CACNB2: variants seen among roughly 807,000 people sequenced by gnomAD.
The protein encoded by CACNB2 is calcium voltage-gated channel auxiliary subunit beta 2.
In CACNB2, 42 loss-of-function variants were observed where a neutral mutation model predicts 73.3. The observed-to-expected ratio is 0.57, with a 90% confidence interval of 0.45 to 0.74. CACNB2 has a LOEUF of 0.74. Among genes scored for constraint, CACNB2 ranks in the 30% least tolerant of loss-of-function variants. The pLI, the probability that CACNB2 is intolerant of heterozygous loss-of-function variation, is 0.00. For synonymous variants in CACNB2, 348 were observed against 310.3 expected (o/e 1.12, Z -1.28); for missense variants, 940 against 853.0 (o/e 1.10, Z -1.27).
chr10:18,242,735 A>G (rs2036703699), intron 2 of CACNB2, among the ~76,000 whole-genome samples: 2 of 152,024 alleles, frequency 1.3e-5, no homozygotes, highest in Non-Finnish European at 2.9e-5. Context: ...CTGTAATCCC[A>G]GCACTTTGGG....
intron 2 of CACNB2, among the ~76,000 whole-genome samples, chr10:18,193,240 C>A (rs1431140117): frequency 1.4e-5 from 2 of 145,888 alleles, no homozygotes; most frequent in African/African-American, 5.1e-5. Context: ...TATAATAATC[C>A]TGTGTGTAAC....
intron 3 of CACNB2, among the ~76,000 whole-genome samples, chr10:18,472,012 C>T (rs1474160028): frequency 6.6e-6 from 1 of 152,082 alleles, no homozygotes; most frequent in African/African-American, 2.4e-5. Context: ...ACTCCCGTAT[C>T]TCCCTTTTTC....
chr10:18,495,599 G>A (rs1030091250), intron 3 of CACNB2, among the ~76,000 whole-genome samples: 1 of 141,370 alleles, frequency 7.1e-6, no homozygotes, highest in Non-Finnish European at 1.5e-5. Context: ...GTGTATAAGA[G>A]ATGAGGTCTC....
At chr10:18,153,869 A>C (rs1000984478) in intron 2 of CACNB2, among the ~76,000 whole-genome samples, 27 of 144,852 alleles carry the variant, frequency 1.9e-4, no homozygotes, top group African/African-American at 6.5e-4. Context: ...GGCATGAGCA[A>C]CCATGCCCGG....
At chr10:18,237,486 G>A (rs1003566246) in intron 2 of CACNB2, among the ~76,000 whole-genome samples, 10 of 152,138 alleles carry the variant, frequency 6.6e-5, no homozygotes, top group Non-Finnish European at 2.9e-5. Context: ...CTAAGAGAAT[G>A]GTGTAGAACA....
rs545274462 is a variant in CACNB2, at chr10:18,442,307, G to A, written c.333+40264G>A. Among the ~76,000 whole-genome samples, 9 of 151,746 alleles carry A rather than the reference G, an allele frequency of 5.9e-5. No individual in the cohort carries two copies. The East Asian group carries it at 9.9e-4, about 17-fold the overall frequency. On this transcript the variant is annotated intron_variant, in intron 3 of 13. Coordinates refer to ENST00000324631, the MANE Select transcript of CACNB2 (RefSeq NM_201596.3). The stretch of plus-strand genomic sequence containing the variant: ...TGGGATTACAGGTGCCTGCAACCAC[G>A]CCCAGCCAATTTTTTGTATTTTTAG...
Position 18,189,292 on chromosome 10 carries a change from T to C in CACNB2, c.213+38317T>C, listed in dbSNP as rs74465355. Reference sequence around the variant, plus strand: ...GTCATTAAAAATAGCTACTAATCTATTTAATGAGTAATTCATATCAATTGA... The same window carrying C: ...GTCATTAAAAATAGCTACTAATCTACTTAATGAGTAATTCATATCAATTGA... On this transcript the variant is annotated intron_variant, in intron 2 of 13. Transcript: ENST00000324631. 4.7e-3 allele frequency among the ~76,000 whole-genome samples: 723 copies of C among 152,306 alleles called. 4 individuals carry two copies. The highest frequency in any genetic ancestry group is 0.017 in the African/African-American group (693 of 41,546).
chr10:18,369,831 T>C (rs892635952), intron 2 of CACNB2, among the ~76,000 whole-genome samples: 5 of 152,168 alleles, frequency 3.3e-5, no homozygotes, highest in African/African-American at 1.2e-4. Flanking sequence ...CACTTGAACC[T>C]GGGAGGCAGA....
chr10:18,289,631 T>C (rs1056257175), intron 2 of CACNB2, among the ~76,000 whole-genome samples: 1 of 152,100 alleles, frequency 6.6e-6, no homozygotes, highest in Non-Finnish European at 1.5e-5. Context: ...TTTAAAAATG[T>C]AAAATACTTA....
At chr10:18,278,824 T>A (rs916954114) in intron 2 of CACNB2, among the ~76,000 whole-genome samples, 2 of 152,056 alleles carry the variant, frequency 1.3e-5, no homozygotes, top group East Asian at 3.9e-4. Flanking sequence ...GAGACCAGCC[T>A]GGGGAACATG....
intron 2 of CACNB2, among the ~76,000 whole-genome samples, chr10:18,211,634 G>C (rs1381675605): frequency 1.3e-5 from 2 of 152,104 alleles, no homozygotes; most frequent in African/African-American, 2.4e-5. Flanking sequence ...AGTATTCTTA[G>C]ATGTTTTCCT....
intron 2 of CACNB2, among the ~76,000 whole-genome samples, chr10:18,184,645 CTTTGTTTTT>C (rs1235749631): frequency 5.1e-5 from 3 of 59,132 alleles, no homozygotes; most frequent in Non-Finnish European, 9.1e-5. Context: ...GTTTCTCAGA[CTTTGTTTTT>C]TTTTTTTTTT....
chr10:18,381,220 T>C (rs775462637), intron 2 of CACNB2, among the ~76,000 whole-genome samples: 1 of 150,720 alleles, frequency 6.6e-6, no homozygotes, highest in Non-Finnish European at 1.5e-5. Context: ...ACTAGATGGT[T>C]CATTTTGGCC....
intron 2 of CACNB2, among the ~76,000 whole-genome samples, chr10:18,161,630 T>TC (rs1554762609): frequency 1.2e-3 from 76 of 65,752 alleles, no homozygotes; most frequent in East Asian, 3.7e-3. Context: ...GGCAAATCTC[T>TC]TTTTTTTTTT....
intron 2 of CACNB2, among the ~76,000 whole-genome samples, chr10:18,278,967 T>G (rs1365304650): frequency 6.6e-6 from 1 of 152,060 alleles, no homozygotes; most frequent in Non-Finnish European, 1.5e-5. Context: ...CAGTGAGCCA[T>G]GATCATGCCA....
At chr10:18,438,183 ATT>A (rs372226267) in intron 3 of CACNB2, among the ~76,000 whole-genome samples, 5 of 93,966 alleles carry the variant, frequency 5.3e-5, no homozygotes, top group African/African-American at 2.1e-4. Flanking sequence ...ACACCTGGCG[ATT>A]TTTTTTTTTT....
At chr10:18,246,458 G>C in intron 2 of CACNB2, among the ~76,000 whole-genome samples, 1 of 152,190 alleles carries the variant, frequency 6.6e-6, no homozygotes, top group South Asian at 2.1e-4. Flanking sequence ...ACATAAATGA[G>C]GTAAAGATAG....
intron 1 of CACNB2, 144 bp downstream of exon 1, chr10:18,141,000 T>C: frequency 1.3e-6 from 2 of 1,524,300 alleles, no homozygotes; most frequent in Non-Finnish European, 1.8e-6. Flanking sequence ...GCTCCTCTCC[T>C]GGCGCCGGGG....
At chr10:18,269,630 T>C (rs2037963714) in intron 2 of CACNB2, among the ~76,000 whole-genome samples, 1 of 152,166 alleles carries the variant, frequency 6.6e-6, no homozygotes, top group Admixed American at 6.5e-5. Flanking sequence ...CCAGCCCAGA[T>C]CTTTCTTCCA....
Sources: gnomAD v4.1 joint callset for allele counts (sites outside exome capture counted in the v4.1 genomes callset) on GRCh38, gnomAD v4.1.1 for gene constraint, MANE v1.5 for transcripts, NCBI Gene and HGNC (gene_info 2026-07-23, HGNC 2026-07-21) for gene names.